Variants in DDHD1 observed in about 807,000 individuals in gnomAD.
DDHD1 encodes the protein phospholipase DDHD1.
DDHD1 carries 49 observed loss-of-function variants against 96.4 expected under a neutral mutation model. The ratio of observed to expected loss-of-function variants is 0.51; its 90% CI spans 0.40 to 0.64. The LOEUF is 0.64. Ranked by LOEUF, DDHD1 falls within the 30% of genes least tolerant of loss-of-function variation. DDHD1 has a pLI of 0.00. For missense variants in DDHD1, 1,106 were observed against 1,161.2 expected, an observed-to-expected ratio of 0.95 and a Z score of 0.69; for synonymous variants, 442 against 446.5, an observed-to-expected ratio of 0.99 and a Z score of 0.13.
intron 4 of DDHD1, among the ~76,000 whole-genome samples, chr14:53,087,640 T>A (rs1886090331): frequency 1.3e-5 from 2 of 152,148 alleles, no homozygotes; most frequent in South Asian, 4.1e-4. Flanking sequence ...TGTACCAGAA[T>A]CTCTGGGACA....
intron 1 of DDHD1, among the ~76,000 whole-genome samples, chr14:53,144,914 C>T (rs1009193641): frequency 6.6e-6 from 1 of 152,172 alleles, no homozygotes; most frequent in Non-Finnish European, 1.5e-5. Flanking sequence ...CTTTGGGAGG[C>T]TGAGGCAGGT....
chr14:53,052,064 T>C, intron 11 of DDHD1, 137 bp from the exon 12 acceptor site: 1 of 615,758 alleles, frequency 1.6e-6, no homozygotes, highest in Non-Finnish European at 2.8e-6. Flanking sequence ...GTAGTACACA[T>C]CTTAATTTTT....
intron 4 of DDHD1, among the ~76,000 whole-genome samples, chr14:53,085,111 G>A (rs1030134901): frequency 6.6e-6 from 1 of 152,202 alleles, no homozygotes; most frequent in Non-Finnish European, 1.5e-5. Flanking sequence ...GGTAAATAAA[G>A]TGGCTGGGAA....
chr14:53,069,954 G>A (rs1297629970), intron 6 of DDHD1, among the ~76,000 whole-genome samples: 1 of 152,160 alleles, frequency 6.6e-6, no homozygotes, highest in Non-Finnish European at 1.5e-5. Flanking sequence ...ATTTATCATA[G>A]CCATTGGTTC....
At chr14:53,064,736 G>C (rs1468260894) in intron 6 of DDHD1, among the ~76,000 whole-genome samples, 1 of 152,062 alleles carries the variant, frequency 6.6e-6, no homozygotes, top group Admixed American at 6.5e-5. Context: ...ATCTGGATTT[G>C]ACAGCATTTT....
intron 1 of DDHD1, among the ~76,000 whole-genome samples, chr14:53,123,068 A>T (rs1470796128): frequency 1.3e-5 from 2 of 151,382 alleles, no homozygotes; most frequent in Non-Finnish European, 2.9e-5. Context: ...AATCTAGAGA[A>T]ATTCTGGCAC....
rs1194641193 is a variant in DDHD1, at chr14:53,045,576, G to A, written c.*1192C>T. The A allele has an allele frequency of 6.6e-6, 1 of 152,140 alleles. No homozygotes were observed. Among genetic ancestry groups the A allele is most frequent in the Non-Finnish European group, 1.5e-5 (1 of 68,024 alleles). 9.4% of individuals were successfully genotyped at this position (152,140 alleles called of 1,614,324 possible). A position where few individuals can be genotyped will look rare whatever the true frequency, so the allele number is the denominator to read the frequency against. ...TAATCTAATTCATGGCACTTTAAAT[G>A]TTTTGGTGCCTTGGTGTATTAACAT... On this transcript the variant is annotated 3_prime_UTR_variant, in exon 13 of 13. Coordinates refer to ENST00000673822, the MANE Select transcript of DDHD1 (RefSeq NM_001160148.2).
chr14:53,127,111 TAAG>T (rs1416452590), intron 1 of DDHD1, among the ~76,000 whole-genome samples: 1 of 152,106 alleles, frequency 6.6e-6, no homozygotes, highest in Non-Finnish European at 1.5e-5. Context: ...AAGAAACACT[TAAG>T]AAACTAAAGT....
In DDHD1 at chr14:53,103,386, A is replaced by C. The variant is rs17126132; in HGVS notation, c.1012+297T>G. Reference sequence around the variant, plus strand: ...TTTGGGTTAAGTTCAATTTCCTTTGATAACTAAAAAATTACTAAAAAAGAT... The same window carrying C: ...TTTGGGTTAAGTTCAATTTCCTTTGCTAACTAAAAAATTACTAAAAAAGAT... On this transcript the variant is annotated intron_variant, in intron 2 of 12. Coordinates refer to ENST00000673822, the MANE Select transcript of DDHD1 (RefSeq NM_001160148.2). 0.039 allele frequency: 13,772 copies of C among 356,656 alleles called. 555 individuals are homozygous for C. The highest frequency in any genetic ancestry group is 0.15 in the East Asian group (3,061 of 20,124). The allele number at this position is 356,656 out of a possible 1,614,324, so 22.1% of individuals were successfully genotyped here.
chr14:53,075,617 T>C (rs1394474858), intron 4 of DDHD1, among the ~76,000 whole-genome samples: 1 of 152,118 alleles, frequency 6.6e-6, no homozygotes, highest in Non-Finnish European at 1.5e-5. Flanking sequence ...TCCATGAAGG[T>C]TGCTACACTA....
At chr14:53,120,739 A>T (rs1888920344) in intron 1 of DDHD1, among the ~76,000 whole-genome samples, 1 of 152,238 alleles carries the variant, frequency 6.6e-6, no homozygotes, top group Non-Finnish European at 1.5e-5. Context: ...AAAACTGGCT[A>T]GTTATATGCA....
At chr14:53,103,317 T>C (rs1333857339) in intron 2 of DDHD1, 3 of 377,776 alleles carry the variant, frequency 7.9e-6, no homozygotes, top group African/African-American at 2.1e-5. Context: ...GAAAAGAACA[T>C]TGAAATATTA....
chr14:53,152,121 C>CGTG, intron 1 of DDHD1, 140 bp downstream of exon 1: 19 of 854,868 alleles, frequency 2.2e-5, no homozygotes, highest in South Asian at 1.5e-4. Flanking sequence ...ACGCTCCCTG[C>CGTG]TCAATCTCCA....
At position 53,046,745 on chromosome 14, in the gene DDHD1, C is replaced by T; in HGVS notation, c.*23G>A. 1 of 1,442,752 alleles carries T rather than the reference C, an allele frequency of 6.9e-7. No individual in the cohort carries two copies. The highest frequency in any genetic ancestry group is 2.1e-5 in the African/African-American group (1 of 48,242). The allele number at this position is 1,442,752 out of a possible 1,614,324, so 89.4% of individuals were successfully genotyped here. ...GGAAAAAAAAAAAATCAGTTTTAGG[C>T]CATTCATGTCCTTCAAGAGAGTTCA... is the stretch of plus-strand genomic sequence containing the variant. On this transcript the variant is annotated 3_prime_UTR_variant, in exon 13 of 13. Transcript: ENST00000673822.
Position 53,046,755 on chromosome 14 carries a change from C to A in DDHD1, c.*13G>T. On this transcript the variant is annotated 3_prime_UTR_variant, in exon 13 of 13. Transcript: ENST00000673822. ...AAAATCAGTTTTAGGCCATTCATGT[C>A]CTTCAAGAGAGTTCAGATTGGATCT... 6.9e-7 allele frequency: 1 copy of A among 1,439,206 alleles called. No individual in the cohort carries two copies. The highest frequency in any genetic ancestry group is 9.1e-7 in the Non-Finnish European group (1 of 1,101,498). The allele number at this position is 1,439,206 out of a possible 1,614,324, so 89.2% of individuals were successfully genotyped here.
intron 2 of DDHD1, among the ~76,000 whole-genome samples, chr14:53,102,326 T>C (rs1203382388): frequency 2.6e-5 from 4 of 152,060 alleles, no homozygotes; most frequent in Admixed American, 1.3e-4. Flanking sequence ...TGGCAATCTG[T>C]AGAAACATAC....
intron 1 of DDHD1, among the ~76,000 whole-genome samples, chr14:53,112,546 CTA>C (rs1482693779): frequency 6.6e-6 from 1 of 152,162 alleles, no homozygotes; most frequent in Non-Finnish European, 1.5e-5. Context: ...TCTATGGTGA[CTA>C]AGTTTTTTGC....
chr14:53,136,182 A>C (rs1166061159), intron 1 of DDHD1, among the ~76,000 whole-genome samples: 2 of 152,076 alleles, frequency 1.3e-5, no homozygotes, highest in Admixed American at 6.5e-5. Flanking sequence ...CACCTATCCC[A>C]AAACCTGTAA....
intron 1 of DDHD1, among the ~76,000 whole-genome samples, chr14:53,123,297 G>A (rs1030155339): frequency 1.3e-5 from 2 of 151,796 alleles, no homozygotes; most frequent in Admixed American, 1.3e-4. Flanking sequence ...CAGGTGTTGT[G>A]CAACAACACC....
Sources: gnomAD v4.1 joint callset for allele counts (sites outside exome capture counted in the v4.1 genomes callset) on GRCh38, gnomAD v4.1.1 for gene constraint, MANE v1.5 for transcripts, NCBI Gene and HGNC (gene_info 2026-07-23, HGNC 2026-07-21) for gene names.